The following ATP8B1 variants were observed in gnomAD, a reference collection of about 807,000 sequenced individuals.
The protein encoded by ATP8B1 is phospholipid-transporting ATPase IC.
ATP8B1 carries 80 observed loss-of-function variants against 149.9 expected under a neutral mutation model. The observed-to-expected ratio is 0.53, with a 90% CI of 0.45 to 0.64. The LOEUF (loss-of-function observed/expected upper bound fraction) is 0.64. Among genes scored for constraint, ATP8B1 ranks in the 30% least tolerant of loss-of-function variants. ATP8B1 has a pLI of 0.00. For missense variants in ATP8B1, 1,247 were observed against 1,552.6 expected, an observed-to-expected ratio of 0.80 and a Z score of 3.31; for synonymous variants, 536 against 562.8, an observed-to-expected ratio of 0.95 and a Z score of 0.67.
rs1289454879 is a variant in ATP8B1, at chr18:57,678,936, AAG to A, written c.1631-3916_1631-3915del. On this transcript the variant is annotated intron_variant, in intron 15 of 27. Coordinates refer to ENST00000648908, the MANE Select transcript of ATP8B1 (RefSeq NM_001374385.1). ...AAAAAAAAAAAAGAAGAGAAAAGAA[AAG>A]AGTGTGGTGTTGATGGTATAGTGGT... is the stretch of plus-strand genomic sequence containing the variant. Among the ~76,000 whole-genome samples the A allele has an allele frequency of 3.1e-4, 24 of 77,280 alleles. 2 individuals are homozygous for A. The highest frequency in any genetic ancestry group is 1.1e-3 in the African/African-American group (24 of 20,944). 50.7% of individuals were successfully genotyped at this position (77,280 alleles called of 152,430 possible). A position where few individuals can be genotyped will look rare whatever the true frequency, so the allele number is the denominator to read the frequency against.
intron 16 of ATP8B1, among the ~76,000 whole-genome samples, chr18:57,674,534 G>C (rs906200363): frequency 6.6e-6 from 1 of 151,784 alleles, no homozygotes; most frequent in African/African-American, 2.4e-5. Context: ...ACAGGTGCCA[G>C]CCACCACGCC....
At chr18:57,765,401 G>A (rs1239832184) in intron 1 of ATP8B1, among the ~76,000 whole-genome samples, 2 of 152,178 alleles carry the variant, frequency 1.3e-5, no homozygotes, top group African/African-American at 4.8e-5. Context: ...CGGGTGCAGT[G>A]GCTCATGCCT....
At chr18:57,729,143 C>T (rs2079735859) in intron 2 of ATP8B1, among the ~76,000 whole-genome samples, 1 of 152,100 alleles carries the variant, frequency 6.6e-6, no homozygotes, top group Admixed American at 6.6e-5. Context: ...TGTAAAAAAA[C>T]AGGGGATGAG....
intron 1 of ATP8B1, among the ~76,000 whole-genome samples, chr18:57,746,030 C>T (rs959776389): frequency 8.5e-5 from 13 of 152,160 alleles, no homozygotes; most frequent in South Asian, 4.2e-4. Flanking sequence ...TCAGATGAAA[C>T]GTAGGAAATG....
chr18:57,728,030 G>A (rs1482960400), intron 2 of ATP8B1, among the ~76,000 whole-genome samples: 1 of 152,156 alleles, frequency 6.6e-6, no homozygotes, highest in East Asian at 1.9e-4. Context: ...GTTTGTGCCT[G>A]TCCTTCCTTC....
chr18:57,699,736 A>T (rs1305978868), intron 6 of ATP8B1, among the ~76,000 whole-genome samples: 1 of 151,812 alleles, frequency 6.6e-6, no homozygotes, highest in African/African-American at 2.4e-5. Context: ...AATAAAAAAA[A>T]AGACAGGAGT....
rs908934586 is a variant in ATP8B1 at position 57,701,114 on chromosome 18, A to G, written c.493-14T>C. On this transcript the variant is annotated splice_polypyrimidine_tract_variant and intron_variant, in intron 5 of 27. Coordinates refer to ENST00000648908, the MANE Select transcript of ATP8B1 (RefSeq NM_001374385.1). The stretch of plus-strand genomic sequence containing the variant: ...TTTATGGCGAGCCTTGAGAAGGAAG[A>G]TGGGGAAATGCTGTTTTAAACATCT... 3 of 1,613,998 alleles carry G rather than the reference A, an allele frequency of 1.9e-6. No individual in the cohort carries two copies. The Admixed American group carries it at 5.0e-5, about 27-fold the overall frequency.
chr18:57,682,364 C>T (rs1912024478), intron 15 of ATP8B1, among the ~76,000 whole-genome samples: 1 of 152,166 alleles, frequency 6.6e-6, no homozygotes, highest in South Asian at 2.1e-4. Context: ...AGGTGGTTCT[C>T]AGAGAGGGAC....
chr18:57,747,658 C>A (rs929031684), intron 1 of ATP8B1, among the ~76,000 whole-genome samples: 1 of 152,132 alleles, frequency 6.6e-6, no homozygotes, highest in African/African-American at 2.4e-5. Flanking sequence ...AGGTGATTGG[C>A]ACATTAAGTA....
At chr18:57,759,805 C>T (rs374609691) in intron 1 of ATP8B1, among the ~76,000 whole-genome samples, 2 of 146,562 alleles carry the variant, frequency 1.4e-5, no homozygotes, top group Admixed American at 7.0e-5. Flanking sequence ...GGAGACAGAG[C>T]GAGACTCCGT....
rs147861519 is a variant in ATP8B1, at chr18:57,677,650, T to C, written c.1631-2628A>G. ...AATTAAAGATGACACTTAGGGTCTC[T>C]CTGTATTTGTTCACTCAGAAAGTCA... On this transcript the variant is annotated intron_variant, in intron 15 of 27. Transcript: ENST00000648908. Among the ~76,000 whole-genome samples, 159 of 152,330 alleles carry C rather than the reference T, an allele frequency of 1.0e-3. 1 individual carries two copies. The highest frequency in any genetic ancestry group is 3.7e-3 in the African/African-American group (152 of 41,574).
At position 57,742,953 on chromosome 18, in the gene ATP8B1, C is replaced by A. The variant is rs549955077; in HGVS notation, c.-25-11121G>T. 1.4e-4 allele frequency among the ~76,000 whole-genome samples: 21 copies of A among 152,224 alleles called. No individual in the cohort carries two copies. In the South Asian group the frequency reaches 4.4e-3, roughly 32 times the overall value. On this transcript the variant is annotated intron_variant, in intron 1 of 27. Coordinates refer to ENST00000648908, the MANE Select transcript of ATP8B1 (RefSeq NM_001374385.1). ...TCAGAGATGAGCAGCTTTTTCATTC[C>A]CCTGGCTAAGGTTCAAAGGATTTCT...
intron 1 of ATP8B1, among the ~76,000 whole-genome samples, chr18:57,768,159 G>T (rs903190898): frequency 1.3e-5 from 2 of 152,046 alleles, no homozygotes; most frequent in Non-Finnish European, 1.5e-5. Context: ...GCTGAGGCAG[G>T]CAGATCACCT....
At chr18:57,700,370 CAT>C (rs1189807991) in intron 6 of ATP8B1, among the ~76,000 whole-genome samples, 1 of 152,028 alleles carries the variant, frequency 6.6e-6, no homozygotes, top group African/African-American at 2.4e-5. Context: ...CAGATAAACA[CAT>C]AGTGATTAGA....
At chr18:57,674,049 G>A (rs1440201132) in intron 16 of ATP8B1, among the ~76,000 whole-genome samples, 1 of 151,994 alleles carries the variant, frequency 6.6e-6, no homozygotes, top group Non-Finnish European at 1.5e-5. Context: ...TCTACCTGCT[G>A]CTTCAGAAAT....
At chr18:57,698,053 A>G (rs1912912640) in intron 6 of ATP8B1, among the ~76,000 whole-genome samples, 186 bp from the exon 7 acceptor site, 1 of 152,252 alleles carries the variant, frequency 6.6e-6, no homozygotes, top group Admixed American at 6.5e-5. Context: ...CTCTGAAGGA[A>G]GCAATGATGA....
At chr18:57,671,678 A>C in intron 16 of ATP8B1, 98 bp from the exon 17 acceptor site, 1 of 833,090 alleles carries the variant, frequency 1.2e-6, no homozygotes, top group Admixed American at 2.0e-5. Flanking sequence ...GCTGGAGTGC[A>C]GCAGTTCAGT....
chr18:57,788,311 T>C (rs376271428), intron 1 of ATP8B1, among the ~76,000 whole-genome samples: 124 of 152,256 alleles, frequency 8.1e-4, no homozygotes, highest in South Asian at 5.4e-3. Flanking sequence ...CCCAGCACTT[T>C]GGGAGGCCAA....
At chr18:57,764,341 T>TTTTCTTTCTTTCTCTCCCTC (rs2080187876) in intron 1 of ATP8B1, among the ~76,000 whole-genome samples, 10 of 101,942 alleles carry the variant, frequency 9.8e-5, no homozygotes, top group Non-Finnish European at 2.1e-5. Flanking sequence ...CTTTCTTTCT[T>TTTTCTTTCTTTCTCTCCCTC]TTTCTTTCTT....
Sources: gnomAD v4.1 joint callset for allele counts (sites outside exome capture counted in the v4.1 genomes callset) on GRCh38, gnomAD v4.1.1 for gene constraint, MANE v1.5 for transcripts, NCBI Gene and HGNC (gene_info 2026-07-23, HGNC 2026-07-21) for gene names.